Variants in KRCC1 observed in about 807,000 individuals in gnomAD.
KRCC1 encodes lysine-rich coiled-coil protein 1.
Under a neutral mutation model 7.4 loss-of-function variants are expected in KRCC1, and 3 were observed. That is an observed-to-expected ratio of 0.40 (90% CI 0.18 to 1.04). The LOEUF (loss-of-function observed/expected upper bound fraction) is 1.04, where lower values mean the gene tolerates loss of function less well. Among genes scored for constraint, KRCC1 ranks in the 50% least tolerant of loss-of-function variants. The pLI, the probability that KRCC1 is intolerant of heterozygous loss-of-function variation, is 0.33. For synonymous variants in KRCC1, 102 were observed against 101.6 expected, an observed-to-expected ratio of 1.00 and a Z score of -0.02; for missense variants, 277 against 300.9, an observed-to-expected ratio of 0.92 and a Z score of 0.59.
chr2:88,027,866 T>TTA lies in KRCC1; in HGVS notation c.696_697dup (p.Lys233IlefsTer43). On this transcript the variant is annotated frameshift_variant, in exon 4 of 4. Coordinates refer to ENST00000347055, the MANE Select transcript of KRCC1 (RefSeq NM_016618.3). LOFTEE classifies it high-confidence loss of function. ...TTGTTCCTTTTTCTTTTTTGTACGC[T>TTA]TACGTTCCTCTTTCTTAGAGACTAC... is the stretch of plus-strand genomic sequence containing the variant. 6.2e-7 allele frequency: 1 copy of TTA among 1,613,442 alleles called. No homozygotes were observed. The highest frequency in any genetic ancestry group is 8.5e-7 in the Non-Finnish European group (1 of 1,179,908).
In KRCC1 at chr2:88,028,007, T is replaced by G. The variant is rs1430822046; in HGVS notation, c.557A>C (p.Glu186Ala). The G allele has an allele frequency of 1.2e-6, 2 of 1,614,102 alleles. No individual in the cohort carries two copies. The change falls in exon 4 of 4, where the codon GAA becomes GCA. Residue 186 changes from glutamate to alanine, a missense_variant. Glu to Ala is a moderately radical substitution (Grantham distance 107). Transcript: ENST00000347055. ...GCTCTTGTGTTTGTCTAAGTCAATT[T>G]CCTCGCAGCTTTTTTTTCTCTTATG... ...SKHKRKKSCEEIDLDKHKSIQ... is the reference protein window; with the variant it reads ...SKHKRKKSCEAIDLDKHKSIQ...
At chr2:88,033,285 A>G (rs1386115374) in intron 3 of KRCC1, among the ~76,000 whole-genome samples, 1 of 152,226 alleles carries the variant, frequency 6.6e-6, no homozygotes, top group Non-Finnish European at 1.5e-5. Context: ...GCACTTTGGG[A>G]GGCTGAGGCA....
intron 1 of KRCC1, among the ~76,000 whole-genome samples, chr2:88,042,289 T>C (rs188521630): frequency 1.2e-4 from 19 of 152,278 alleles, no homozygotes; most frequent in Middle Eastern, 3.4e-3. Context: ...CTCGATCTCC[T>C]GACCTCATGA....
chr2:88,050,822 A>G (rs1421582811), intron 1 of KRCC1, among the ~76,000 whole-genome samples: 2 of 151,648 alleles, frequency 1.3e-5, no homozygotes, highest in Non-Finnish European at 2.9e-5. Flanking sequence ...AAGTATGTCT[A>G]TTTCTTTTAA....
chr2:88,029,075 C>T (rs1343419211), intron 3 of KRCC1, among the ~76,000 whole-genome samples: 1 of 152,086 alleles, frequency 6.6e-6, no homozygotes. Flanking sequence ...GGTCAGATAC[C>T]TCCCAGGTCA....
intron 1 of KRCC1, among the ~76,000 whole-genome samples, chr2:88,045,748 A>G (rs925416541): frequency 1.8e-4 from 28 of 152,042 alleles, no homozygotes; most frequent in Middle Eastern, 3.4e-3. Context: ...TAGTGGTGCA[A>G]TCTTGGCTCA....
intron 1 of KRCC1, among the ~76,000 whole-genome samples, chr2:88,040,689 G>A (rs1673192647): frequency 6.6e-6 from 1 of 152,114 alleles, no homozygotes. Flanking sequence ...TCCACACATT[G>A]GGAATAAGTG....
intron 1 of KRCC1, among the ~76,000 whole-genome samples, chr2:88,048,657 A>ATT (rs745782419): frequency 2.0e-5 from 3 of 152,202 alleles, no homozygotes; most frequent in Non-Finnish European, 4.4e-5. Context: ...ATTTCTTGCC[A>ATT]ATCTGTAAAC....
In KRCC1 at chr2:88,028,460, T is replaced by A. The variant is rs1573072167; in HGVS notation, c.104A>T (p.Lys35Met). The A allele has an allele frequency of 6.2e-7, 1 of 1,614,088 alleles. No homozygotes were observed. Among genetic ancestry groups the A allele is most frequent in the East Asian group, 2.2e-5 (1 of 44,872 alleles). Residue 35 changes from lysine to methionine, a missense_variant, in exon 4 of 4, where the codon AAG (lysine) becomes ATG (methionine). By Grantham distance (95) the Lys-to-Met change is moderately conservative. Transcript: ENST00000347055. ...RGLEPKTCFR[K>M]MKGDYLETCG... is the part of the protein sequence containing the mutation. ...GGTTTCCAAATAGTCCCCTTTCATC[T>A]TTCTGAAACAAGTCTTTGGCTCTAA...
chr2:88,029,152 T>C (rs540607546), intron 3 of KRCC1, among the ~76,000 whole-genome samples: 4 of 152,154 alleles, frequency 2.6e-5, no homozygotes, highest in Non-Finnish European at 4.4e-5. Flanking sequence ...ATACACATGT[T>C]GCTGTCATAG....
chr2:88,027,770 C>T lies in KRCC1; in HGVS notation c.*14G>A. ...TTTTTCAATTTAACTTTGGGAGAACCAACTTTGAAAGCTTCAAAATCCAAG... is the reference window on the plus strand; with the variant it reads ...TTTTTCAATTTAACTTTGGGAGAACTAACTTTGAAAGCTTCAAAATCCAAG... On this transcript the variant is annotated 3_prime_UTR_variant, in exon 4 of 4. Coordinates refer to ENST00000347055, the MANE Select transcript of KRCC1 (RefSeq NM_016618.3). 2 of 1,553,390 alleles carry T rather than the reference C, an allele frequency of 1.3e-6. No individual in the cohort carries two copies. Among genetic ancestry groups the T allele is most frequent in the African/African-American group, 2.8e-5 (2 of 72,168 alleles).
chr2:88,039,900 C>T (rs770908130), intron 1 of KRCC1, among the ~76,000 whole-genome samples: 35 of 151,820 alleles, frequency 2.3e-4, no homozygotes, highest in Admixed American at 1.3e-3. Flanking sequence ...CGTAGTGCTT[C>T]GTGCCTGTAG....
intron 1 of KRCC1, among the ~76,000 whole-genome samples, chr2:88,038,875 A>G (rs537682267): frequency 1.3e-5 from 2 of 152,296 alleles, no homozygotes; most frequent in South Asian, 4.1e-4. Flanking sequence ...TCTCTCCTTG[A>G]CATGTGGAGA....
chr2:88,032,795 T>C (rs1373183944), intron 3 of KRCC1, among the ~76,000 whole-genome samples: 3 of 152,188 alleles, frequency 2.0e-5, no homozygotes, highest in Admixed American at 1.3e-4. Flanking sequence ...TTGTAATTCT[T>C]TTTTACTATT....
At chr2:88,035,230 C>A in intron 2 of KRCC1, among the ~76,000 whole-genome samples, 1 of 152,162 alleles carries the variant, frequency 6.6e-6, no homozygotes, top group East Asian at 1.9e-4. Context: ...TACCAGTTGC[C>A]TTCCAATACA....
At chr2:88,037,334 C>T (rs1220326678) in intron 1 of KRCC1, among the ~76,000 whole-genome samples, 1 of 152,152 alleles carries the variant, frequency 6.6e-6, no homozygotes, top group African/African-American at 2.4e-5. Flanking sequence ...GCTAAGAAAT[C>T]CAGTCTTGGC....
intron 1 of KRCC1, among the ~76,000 whole-genome samples, chr2:88,051,282 AG>A (rs1364537050): frequency 1.3e-5 from 2 of 152,200 alleles, no homozygotes; most frequent in African/African-American, 2.4e-5. Flanking sequence ...AATACAGAGG[AG>A]TTCCTCAGAA....
chr2:88,053,376 T>A (rs975416806), intron 1 of KRCC1, among the ~76,000 whole-genome samples: 1 of 146,474 alleles, frequency 6.8e-6, no homozygotes, highest in African/African-American at 2.5e-5. Flanking sequence ...TTTAAAGTCA[T>A]TGCAAAATCA....
chr2:88,028,642 CTCTTT>C lies in KRCC1; in HGVS notation c.-22-62_-22-58del. ...CATCTTGTCCTGAGCATTTCCTTTG[CTCTTT>C]TTTTTTTTTTTTTTTTTCTTGAGAT... On this transcript the variant is annotated intron_variant, in intron 3 of 3. Transcript: ENST00000347055. The C allele has an allele frequency of 1.3e-5, 9 of 682,138 alleles. No homozygotes were observed. In the East Asian group the frequency reaches 2.2e-4, roughly 16 times the overall value. 42.3% of individuals were successfully genotyped at this position (682,138 alleles called of 1,614,324 possible). A position where few individuals can be genotyped will look rare whatever the true frequency, so the allele number is the denominator to read the frequency against.
Sources: allele counts gnomAD v4.1 joint callset (sites outside exome capture counted in the v4.1 genomes callset), GRCh38; gene constraint gnomAD v4.1.1; transcripts MANE v1.5; gene names NCBI Gene and HGNC (gene_info 2026-07-23, HGNC 2026-07-21).